The following PCDH9 variants were observed in gnomAD, a reference collection of about 807,000 sequenced individuals.
PCDH9 encodes the protein protocadherin 9.
Under a neutral mutation model 70.6 loss-of-function variants are expected in PCDH9, and 24 were observed. The ratio of observed to expected loss-of-function variants is 0.34; its 90% confidence interval spans 0.25 to 0.48. The LOEUF (loss-of-function observed/expected upper bound fraction) is 0.48, where lower values mean the gene tolerates loss of function less well. Among genes scored for constraint, PCDH9 ranks in the 20% least tolerant of loss-of-function variants. PCDH9 has a pLI of 0.99. For synonymous variants in PCDH9, 562 were observed against 558.5 expected (o/e 1.01, Z -0.09); for missense variants, 1,281 against 1,503.6 (o/e 0.85, Z 2.45).
At chr13:66,621,498 C>T (rs538556399) in intron 4 of PCDH9, among the ~76,000 whole-genome samples, 4 of 152,232 alleles carry the variant, frequency 2.6e-5, no homozygotes, top group African/African-American at 9.6e-5. Context: ...GTATAAGGTT[C>T]ATGATAAGAA....
chr13:66,420,614 A>C (rs1448273353), intron 4 of PCDH9, among the ~76,000 whole-genome samples: 1 of 152,180 alleles, frequency 6.6e-6, no homozygotes, highest in Non-Finnish European at 1.5e-5. Context: ...AAGGAAAACT[A>C]ACAAACAGAA....
intron 2 of PCDH9, among the ~76,000 whole-genome samples, chr13:66,933,176 T>C (rs2082844597): frequency 6.6e-6 from 1 of 152,080 alleles, no homozygotes. Flanking sequence ...TGTGATTTCT[T>C]AGTGTTATTT....
intron 3 of PCDH9, among the ~76,000 whole-genome samples, chr13:66,795,187 G>C (rs1319010427): frequency 6.6e-6 from 1 of 152,068 alleles, no homozygotes; most frequent in African/African-American, 2.4e-5. Context: ...TTTGGAATTT[G>C]TTTAGTTTTT....
At chr13:67,091,685 C>T (rs1348280807) in intron 2 of PCDH9, among the ~76,000 whole-genome samples, 1 of 152,098 alleles carries the variant, frequency 6.6e-6, no homozygotes, top group African/African-American at 2.4e-5. Context: ...AATATTAATA[C>T]CAATGTAATC....
intron 2 of PCDH9, among the ~76,000 whole-genome samples, chr13:66,972,416 C>T (rs78666881): frequency 2.6e-5 from 4 of 151,676 alleles, no homozygotes; most frequent in African/African-American, 9.7e-5. Flanking sequence ...TTCTGCATAC[C>T]GCCCTATTTT....
intron 3 of PCDH9, among the ~76,000 whole-genome samples, chr13:66,713,947 C>T (rs534434863): frequency 2.0e-5 from 3 of 152,100 alleles, no homozygotes; most frequent in African/African-American, 7.2e-5. Flanking sequence ...CTTTTTGTAA[C>T]TGATGATTTG....
intron 3 of PCDH9, among the ~76,000 whole-genome samples, chr13:66,655,991 T>C (rs1461029869): frequency 2.0e-5 from 3 of 152,236 alleles, no homozygotes; most frequent in African/African-American, 7.2e-5. Context: ...CAAGGTCTGC[T>C]AACTTTTTAA....
In PCDH9 at chr13:66,565,787, CA is replaced by C. The variant is rs771825224; in HGVS notation, c.3340+65422del. On this transcript the variant is annotated intron_variant, in intron 4 of 4. Coordinates refer to ENST00000377865, the MANE Select transcript of PCDH9 (RefSeq NM_203487.3). ...TCTATATTTATATACATTCCTTCAA[CA>C]ACATTGGTCTGTTAGGATATAAATA... Among the ~76,000 whole-genome samples the C allele has an allele frequency of 2.6e-5, 4 of 152,148 alleles. No individual in the cohort carries two copies. In the East Asian group the frequency reaches 5.8e-4, roughly 22 times the overall value.
chr13:66,431,005 T>G (rs576813186), intron 4 of PCDH9, among the ~76,000 whole-genome samples: 2 of 152,180 alleles, frequency 1.3e-5, no homozygotes, highest in South Asian at 4.1e-4. Flanking sequence ...GTGCATTAAA[T>G]CTCTTTGAGC....
intron 3 of PCDH9, among the ~76,000 whole-genome samples, chr13:66,723,885 A>G (rs2078973105): frequency 6.6e-6 from 1 of 152,216 alleles, no homozygotes; most frequent in South Asian, 2.1e-4. Flanking sequence ...TAAAAGTCGC[A>G]TTGTGCCAGA....
At chr13:67,124,396 G>A (rs2086936846) in intron 2 of PCDH9, among the ~76,000 whole-genome samples, 1 of 152,046 alleles carries the variant, frequency 6.6e-6, no homozygotes, top group South Asian at 2.1e-4. Context: ...ATGTATGCAG[G>A]AATATGATAT....
rs552718228 is a variant in PCDH9 at position 66,652,172 on chromosome 13, TA to T, written c.3139-20762del. ...AGTTAGAACAATTACACAAGAGAAA[TA>T]AATAAAGGGCATCCACACTGGAAAG... On this transcript the variant is annotated intron_variant, in intron 3 of 4. Transcript: ENST00000377865. Among the ~76,000 whole-genome samples, 7 of 151,910 alleles carry T rather than the reference TA, an allele frequency of 4.6e-5. No homozygotes were observed. In the East Asian group the frequency reaches 9.7e-4, roughly 21 times the overall value.
At chr13:66,560,715 C>G (rs1961971888) in intron 4 of PCDH9, among the ~76,000 whole-genome samples, 1 of 149,794 alleles carries the variant, frequency 6.7e-6, no homozygotes, top group African/African-American at 2.4e-5. Flanking sequence ...GCACATTTCA[C>G]TCAAGGCATC....
intron 4 of PCDH9, among the ~76,000 whole-genome samples, chr13:66,467,398 C>T (rs922474102): frequency 9.9e-5 from 15 of 151,986 alleles, no homozygotes; most frequent in Admixed American, 6.6e-5. Context: ...GTACCTATGT[C>T]TACTCACTAG....
intron 2 of PCDH9, among the ~76,000 whole-genome samples, chr13:66,983,145 T>G (rs1474395224): frequency 6.6e-6 from 1 of 152,286 alleles, no homozygotes; most frequent in East Asian, 1.9e-4. Context: ...TAAGTTGATC[T>G]GTGCAGCAAA....
At chr13:66,875,058 T>C (rs992978379) in intron 3 of PCDH9, among the ~76,000 whole-genome samples, 1 of 151,782 alleles carries the variant, frequency 6.6e-6, no homozygotes, top group Non-Finnish European at 1.5e-5. Flanking sequence ...CATAAATACA[T>C]GAAATAAAAA....
chr13:67,071,022 T>A (rs1265451875), intron 2 of PCDH9, among the ~76,000 whole-genome samples: 1 of 152,086 alleles, frequency 6.6e-6, no homozygotes, highest in Non-Finnish European at 1.5e-5. Context: ...AACACTCAGA[T>A]TTACATATTC....
intron 3 of PCDH9, among the ~76,000 whole-genome samples, chr13:66,784,321 T>C (rs1381561638): frequency 6.6e-6 from 1 of 152,100 alleles, no homozygotes; most frequent in Non-Finnish European, 1.5e-5. Context: ...AAAGGATGGT[T>C]TTACCTATTT....
intron 4 of PCDH9, among the ~76,000 whole-genome samples, chr13:66,389,477 C>T (rs541719430): frequency 2.6e-5 from 4 of 152,214 alleles, no homozygotes; most frequent in South Asian, 2.1e-4. Context: ...TTCTCAAACA[C>T]GGTTTAATTT....
Sources: allele counts gnomAD v4.1 joint callset (sites outside exome capture counted in the v4.1 genomes callset), GRCh38; gene constraint gnomAD v4.1.1; transcripts MANE v1.5; gene names NCBI Gene and HGNC (gene_info 2026-07-23, HGNC 2026-07-21).